GTSE1: variants seen among roughly 807,000 people sequenced by gnomAD.
GTSE1 encodes the protein G2 and S-phase expressed 1.
In GTSE1, 52 loss-of-function variants were observed where a neutral mutation model predicts 60.5. That is an observed-to-expected ratio of 0.86 (90% confidence interval 0.69 to 1.08). The LOEUF (loss-of-function observed/expected upper bound fraction) is 1.08. Among genes scored for constraint, GTSE1 ranks in the 50% least tolerant of loss-of-function variants. The pLI, the probability that GTSE1 is intolerant of heterozygous loss-of-function variation, is 0.00. For synonymous variants in GTSE1, 368 were observed against 386.5 expected, an observed-to-expected ratio of 0.95 and a Z score of 0.56; for missense variants, 937 against 961.8, an observed-to-expected ratio of 0.97 and a Z score of 0.34.
At position 46,308,620 on chromosome 22, in the gene GTSE1, CT is replaced by C; in HGVS notation, c.440del (p.Leu147ProfsTer8). 2 of 1,613,984 alleles carry C rather than the reference CT, an allele frequency of 1.2e-6. No homozygotes were observed. The highest frequency in any genetic ancestry group is 1.7e-6 in the Non-Finnish European group (2 of 1,179,958). ...ACAGGAGTCAAAATTAAAAATAAAC[CT>C]CTTTGAGAAAGAAAAGGAAATGAAG... ...FIQESKLKIN[L>X]FEKEKEMKKS... On this transcript the variant is annotated frameshift_variant, in exon 4 of 12. Coordinates refer to ENST00000454366, the MANE Select transcript of GTSE1 (RefSeq NM_016426.7). LOFTEE classifies it high-confidence loss of function.
chr22:46,297,908 C>T lies in GTSE1; in HGVS notation c.79+429C>T, dbSNP rs1201581512. On this transcript the variant is annotated intron_variant, in intron 2 of 11. Coordinates refer to ENST00000454366, the MANE Select transcript of GTSE1 (RefSeq NM_016426.7). This position sits in a 1 kb window ranked among gnomAD's most constrained non-coding sequence, Gnocchi z 4.9. ...TTTGGGTATCAAGGTGAGGGTACAG[C>T]TTCACAGAATGAGTTACAGGCCACA... 6.6e-6 allele frequency among the ~76,000 whole-genome samples: 1 copy of T among 152,098 alleles called. No homozygotes were observed. Among genetic ancestry groups the T allele is most frequent in the Non-Finnish European group, 1.5e-5 (1 of 68,022 alleles).
At chr22:46,315,667 G>A (rs1050995847) in intron 6 of GTSE1, among the ~76,000 whole-genome samples, 2 of 152,070 alleles carry the variant, frequency 1.3e-5, no homozygotes, top group Non-Finnish European at 2.9e-5. Context: ...TTTTTTCCTT[G>A]TTCCCTGCCC....
In GTSE1 at chr22:46,308,915, G is replaced by A. The variant is rs563937975; in HGVS notation, c.734G>A (p.Gly245Glu). The change falls in exon 4 of 12, where the codon GGA (glycine) becomes GAA (glutamate). Residue 245 changes from glycine (G) to glutamate (E), a missense_variant. Physicochemically the swap from Gly to Glu is moderately conservative, Grantham distance 98. Transcript: ENST00000454366. ...CTGCCTCGAGCGGCCTCTGTTAGAGGAAGAAGCATCCCTGGGGCTGCGGAG... is the reference window on the plus strand; with the variant it reads ...CTGCCTCGAGCGGCCTCTGTTAGAGAAAGAAGCATCCCTGGGGCTGCGGAG... ...LLLPRAASVR[G>E]RSIPGAAEKP... The A allele has an allele frequency of 1.7e-5, 28 of 1,612,384 alleles. No individual in the cohort carries two copies. In the African/African-American group the frequency reaches 1.9e-4, roughly 11 times the overall value.
rs149283863 is a variant in GTSE1 at position 46,322,409 on chromosome 22, C to G, written c.1433-781C>G. On this transcript the variant is annotated intron_variant, in intron 7 of 11. Transcript: ENST00000454366. ...GACAGCCTCTTTTCCCATGGCTTCC[C>G]AGACATAGCAAGGTGTTCCAAGGGG... 9.7e-4 allele frequency among the ~76,000 whole-genome samples: 148 copies of G among 152,256 alleles called. No homozygotes were observed. In the Middle Eastern group the frequency reaches 0.014, roughly 14 times the overall value.
intron 8 of GTSE1, 54 bp downstream of exon 8, chr22:46,323,316 T>A (rs2077825081): frequency 7.7e-7 from 1 of 1,298,854 alleles, no homozygotes; most frequent in South Asian, 1.2e-5. Flanking sequence ...GACTCACGCA[T>A]CTGCTTACCT....
chr22:46,319,201 C>T lies in GTSE1; in HGVS notation c.1432+2789C>T, dbSNP rs80196258. ...GGCAGCCCGAGGCCGGCTCCCAGAGCGCCGCGTGACCAGAGCGGACCCTGG... is the reference window on the plus strand; with the variant it reads ...GGCAGCCCGAGGCCGGCTCCCAGAGTGCCGCGTGACCAGAGCGGACCCTGG... On this transcript the variant is annotated intron_variant, in intron 7 of 11. Transcript: ENST00000454366. This position sits in a 1 kb window ranked among gnomAD's most constrained non-coding sequence, Gnocchi z 5.0. 0.017 allele frequency among the ~76,000 whole-genome samples: 2,614 copies of T among 152,286 alleles called. 65 individuals carry two copies. Among genetic ancestry groups the T allele is most frequent in the African/African-American group, 0.059 (2,459 of 41,552 alleles).
Position 46,330,747 on chromosome 22 carries a change from TATAA to T in GTSE1, c.*621_*624del, listed in dbSNP as rs1188301473. Reference sequence around the variant, plus strand: ...GTGGCTATTTTTAAAGTTAAGTTTGTATAAATAGTTAGATATTCTAGATTTACAT... The same window carrying T: ...GTGGCTATTTTTAAAGTTAAGTTTGTATAGTTAGATATTCTAGATTTACAT... On this transcript the variant is annotated 3_prime_UTR_variant, in exon 12 of 12. Transcript: ENST00000454366. The surrounding 1 kb of genome is among the most constrained non-coding windows in gnomAD (Gnocchi z 6.0). 6.6e-6 allele frequency: 1 copy of T among 152,486 alleles called. No homozygotes were observed. Among genetic ancestry groups the T allele is most frequent in the African/African-American group, 2.4e-5 (1 of 41,468 alleles). 9.4% of individuals were successfully genotyped at this position (152,486 alleles called of 1,614,324 possible). A position where few individuals can be genotyped will look rare whatever the true frequency, so the allele number is the denominator to read the frequency against.
intron 6 of GTSE1, among the ~76,000 whole-genome samples, chr22:46,315,663 C>T (rs1240202597): frequency 1.3e-5 from 2 of 152,124 alleles, no homozygotes; most frequent in African/African-American, 2.4e-5. Flanking sequence ...CGTCTTTTTT[C>T]CTTGTTCCCT....
intron 2 of GTSE1, among the ~76,000 whole-genome samples, chr22:46,307,880 G>A (rs1226129053): frequency 6.6e-6 from 1 of 151,794 alleles, no homozygotes; most frequent in South Asian, 2.1e-4. Context: ...GGGAGGCCAC[G>A]CCAGGAGGAT....
At chr22:46,298,521 T>C (rs1193999447) in intron 2 of GTSE1, among the ~76,000 whole-genome samples, 1 of 152,166 alleles carries the variant, frequency 6.6e-6, no homozygotes, top group Non-Finnish European at 1.5e-5. Context: ...TTGGCCAGGC[T>C]GGTCTCAAAC....
intron 6 of GTSE1, among the ~76,000 whole-genome samples, chr22:46,315,550 T>C (rs115317864): frequency 0.025 from 3,838 of 152,304 alleles, 167 homozygotes; most frequent in African/African-American, 0.086. Flanking sequence ...GGTAGCTCAG[T>C]ATGTATTACC....
rs958648626 is a variant in GTSE1, at chr22:46,304,505, G to T, written c.80-3645G>T. Among the ~76,000 whole-genome samples the T allele has an allele frequency of 6.6e-6, 1 of 152,058 alleles. No individual in the cohort carries two copies. Among genetic ancestry groups the T allele is most frequent in the South Asian group, 2.1e-4 (1 of 4,826 alleles). Reference sequence around the variant, plus strand: ...GTATGTTGTATTTTATCATATGCCCGTTCAACATATGTGCAGACGATCATG... The same window carrying T: ...GTATGTTGTATTTTATCATATGCCCTTTCAACATATGTGCAGACGATCATG... On this transcript the variant is annotated intron_variant, in intron 2 of 11. Coordinates refer to ENST00000454366, the MANE Select transcript of GTSE1 (RefSeq NM_016426.7). The surrounding 1 kb of genome is among the most constrained non-coding windows in gnomAD (Gnocchi z 4.4).
rs1239719443 is a variant in GTSE1 at position 46,310,307 on chromosome 22, G to GGAGGATGAGGAGAAGGCT, written c.762+1372_762+1389dup. On this transcript the variant is annotated intron_variant, in intron 4 of 11. Coordinates refer to ENST00000454366, the MANE Select transcript of GTSE1 (RefSeq NM_016426.7). This position sits in a 1 kb window ranked among gnomAD's most constrained non-coding sequence, Gnocchi z 4.4. ...GTTATTTTGAGGATGAGGATGTTGT[G>GGAGGATGAGGAGAAGGCT]GAGGATGAGGAGAAGGCTGAGGATG... 1.3e-5 allele frequency among the ~76,000 whole-genome samples: 2 copies of GGAGGATGAGGAGAAGGCT among 152,204 alleles called. No homozygotes were observed. Among genetic ancestry groups the GGAGGATGAGGAGAAGGCT allele is most frequent in the African/African-American group, 4.8e-5 (2 of 41,448 alleles).
Position 46,308,897 on chromosome 22 carries a change from G to C in GTSE1, c.716G>C (p.Arg239Pro), listed in dbSNP as rs747502735. Residue 239 changes from arginine to proline, a missense_variant, in exon 4 of 12, where the codon CGA (arginine) becomes CCA (proline). Physicochemically the swap from Arg to Pro is moderately radical, Grantham distance 103. Transcript: ENST00000454366. ...RKPGTKLLLP[R>P]AASVRGRSIP... is the part of the protein sequence containing the mutation. ...CCCGGGACCAAATTGCTGCTGCCTC[G>C]AGCGGCCTCTGTTAGAGGAAGAAGC... 2.5e-6 allele frequency: 4 copies of C among 1,613,096 alleles called. No homozygotes were observed. Among genetic ancestry groups the C allele is most frequent in the South Asian group, 1.1e-5 (1 of 91,062 alleles).
chr22:46,316,351 T>A lies in GTSE1; in HGVS notation c.1371T>A (p.Asn457Lys). 6.2e-7 allele frequency: 1 copy of A among 1,612,086 alleles called. No individual in the cohort carries two copies. The highest frequency in any genetic ancestry group is 1.1e-5 in the South Asian group (1 of 91,044). The change falls in exon 7 of 12, where the codon AAT (asparagine) becomes AAA (lysine). Residue 457 changes from asparagine (N) to lysine (K), a missense_variant. Physicochemically the swap from Asn to Lys is moderately conservative, Grantham distance 94. Coordinates refer to ENST00000454366, the MANE Select transcript of GTSE1 (RefSeq NM_016426.7). This position sits in a 1 kb window ranked among gnomAD's most constrained non-coding sequence, Gnocchi z 5.0. ...TCAGACGGCGAGATTCCTGTCTAAATTCCAAGACAAAGGTTATGCCTACTC... is the reference window on the plus strand; with the variant it reads ...TCAGACGGCGAGATTCCTGTCTAAAATCCAAGACAAAGGTTATGCCTACTC... Reference protein sequence around the residue: ...RSIRRRDSCLNSKTKVMPTPT... With the variant: ...RSIRRRDSCLKSKTKVMPTPT...
At position 46,309,867 on chromosome 22, in the gene GTSE1, G is replaced by C. The variant is rs2077738665; in HGVS notation, c.762+924G>C. ...TCCTACCGTGATGTTTCTAGAATGA[G>C]AGTGGGATGGGTCCTGCTGTGTGGA... On this transcript the variant is annotated intron_variant, in intron 4 of 11. Transcript: ENST00000454366. This position sits in a 1 kb window ranked among gnomAD's most constrained non-coding sequence, Gnocchi z 6.2. Among the ~76,000 whole-genome samples, 2 of 152,246 alleles carry C rather than the reference G, an allele frequency of 1.3e-5. No homozygotes were observed. The highest frequency in any genetic ancestry group is 2.4e-5 in the African/African-American group (1 of 41,474).
In GTSE1 at chr22:46,320,043, G is replaced by T. The variant is rs1168424367; in HGVS notation, c.1433-3147G>T. 6.6e-6 allele frequency among the ~76,000 whole-genome samples: 1 copy of T among 152,042 alleles called. No homozygotes were observed. The highest frequency in any genetic ancestry group is 1.9e-4 in the East Asian group (1 of 5,196). On this transcript the variant is annotated intron_variant, in intron 7 of 11. Transcript: ENST00000454366. The surrounding 1 kb of genome is among the most constrained non-coding windows in gnomAD (Gnocchi z 7.1). ...TGCGAGCTGTGATTGGGTGGGTTCT[G>T]CAGGGACACCCTACGGCCCAGGTCA... is the stretch of plus-strand genomic sequence containing the variant.
intron 2 of GTSE1, among the ~76,000 whole-genome samples, chr22:46,306,040 CTT>C (rs141654988): frequency 6.6e-6 from 1 of 151,960 alleles, no homozygotes; most frequent in African/African-American, 2.4e-5. Flanking sequence ...GGTTATTTCT[CTT>C]TTCTTTCTTT....
At chr22:46,326,186 C>T (rs1281591089) in intron 8 of GTSE1, among the ~76,000 whole-genome samples, 1 of 152,272 alleles carries the variant, frequency 6.6e-6, no homozygotes, top group Non-Finnish European at 1.5e-5. Context: ...TTTTGAGTTG[C>T]CTGTGAGGAA....
Sources: allele counts gnomAD v4.1 joint callset (sites outside exome capture counted in the v4.1 genomes callset), GRCh38; gene constraint gnomAD v4.1.1; non-coding constraint Gnocchi (gnomAD v3.1); transcripts MANE v1.5; gene names NCBI Gene and HGNC (gene_info 2026-07-23, HGNC 2026-07-21).